The following ARHGEF18 variants were observed in gnomAD, a reference collection of about 807,000 sequenced individuals.
ARHGEF18 encodes rho guanine nucleotide exchange factor 18.
A neutral mutation model predicts 155.7 loss-of-function variants in ARHGEF18; 93 were observed. The ratio of observed to expected loss-of-function variants is 0.60; its 90% CI spans 0.50 to 0.71. ARHGEF18 has a LOEUF of 0.71. Among genes scored for constraint, ARHGEF18 ranks in the 30% least tolerant of loss-of-function variants. The pLI is 0.00. For missense variants in ARHGEF18, 1,593 were observed against 1,816.1 expected (o/e 0.88, Z 2.23); for synonymous variants, 742 against 753.1 (o/e 0.99, Z 0.24).
At chr19:7,422,895 T>C (rs973347946) in intron 10 of ARHGEF18, among the ~76,000 whole-genome samples, 10 of 151,968 alleles carry the variant, frequency 6.6e-5, no homozygotes, top group Non-Finnish European at 1.5e-4. Context: ...CTTTTTGTAT[T>C]TGTAGCAGAG....
At chr19:7,360,965 C>T (rs956720397) in intron 1 of ARHGEF18, among the ~76,000 whole-genome samples, 1 of 152,178 alleles carries the variant, frequency 6.6e-6, no homozygotes, top group African/African-American at 2.4e-5. Flanking sequence ...TCCAGCCACT[C>T]ATCTGTGAAT....
chr19:7,387,264 T>C (rs1971137410), intron 10 of ARHGEF18, among the ~76,000 whole-genome samples: 1 of 152,058 alleles, frequency 6.6e-6, no homozygotes, highest in Admixed American at 6.6e-5. Flanking sequence ...GCCATTCTCC[T>C]GCCTCAGCCT....
chr19:7,431,510 C>CAAAAAAAAAAAAAAAAAAAAAAAA (rs34609858), intron 10 of ARHGEF18, among the ~76,000 whole-genome samples: 3 of 51,294 alleles, frequency 5.8e-5, no homozygotes, highest in Non-Finnish European at 6.9e-5. Flanking sequence ...GACTCCATCT[C>CAAAAAAAAAAAAAAAAAAAAAAAA]AAAAAAAAAA....
intron 10 of ARHGEF18, among the ~76,000 whole-genome samples, chr19:7,408,398 G>A (rs1449928575): frequency 2.0e-5 from 3 of 152,208 alleles, no homozygotes; most frequent in South Asian, 2.1e-4. Flanking sequence ...GCGTGGCCGT[G>A]TTCTGATAAA....
intron 10 of ARHGEF18, among the ~76,000 whole-genome samples, chr19:7,426,501 A>AG (rs957767212): frequency 1.3e-5 from 2 of 151,600 alleles, no homozygotes; most frequent in African/African-American, 4.8e-5. Context: ...AAAAAAAAAA[A>AG]AGAAAAAAAG....
chr19:7,354,160 TA>T (rs74426024), intron 1 of ARHGEF18, among the ~76,000 whole-genome samples: 4 of 150,398 alleles, frequency 2.7e-5, no homozygotes, highest in Non-Finnish European at 5.9e-5. Flanking sequence ...AAGAAAAAAG[TA>T]AAAAAAATAG....
chr19:7,369,060 C>T (rs576472765), intron 2 of ARHGEF18, among the ~76,000 whole-genome samples: 51 of 152,178 alleles, frequency 3.4e-4, no homozygotes, highest in African/African-American at 9.9e-4. Flanking sequence ...CCAGGCGCGG[C>T]GGCTCATGCC....
intron 10 of ARHGEF18, among the ~76,000 whole-genome samples, chr19:7,394,487 A>G (rs1971565638): frequency 6.6e-6 from 1 of 150,838 alleles, no homozygotes; most frequent in Non-Finnish European, 1.5e-5. Flanking sequence ...CCCACTGACA[A>G]CCCCTCCAGG....
rs1241884115 is a variant in ARHGEF18 at position 7,443,085 on chromosome 19, T to C, written c.1360+1033T>C. On this transcript the variant is annotated intron_variant, in intron 13 of 28. Coordinates refer to ENST00000668164, the MANE Select transcript of ARHGEF18 (RefSeq NM_001367823.1). ...TTTTTTTTTTTTTTTTTTTTTGAGA[T>C]GGAGTCTCGCTCTGTCGCCCAGGCT... Among the ~76,000 whole-genome samples, 23 of 117,364 alleles carry C rather than the reference T, an allele frequency of 2.0e-4. No individual in the cohort carries two copies. The Admixed American group carries it at 2.1e-3, about 11-fold the overall frequency. 77.0% of individuals were successfully genotyped at this position (117,364 alleles called of 152,430 possible). A position where few individuals can be genotyped will look rare whatever the true frequency, so the allele number is the denominator to read the frequency against.
At position 7,416,530 on chromosome 19, in the gene ARHGEF18, CGTGTGTGTGTGTGTGTGT is replaced by C. The variant is rs71179108; in HGVS notation, c.968-23783_968-23766del. ...TGTGATGTGCCTCACGGAGAAAATT[CGTGTGTGTGTGTGTGTGT>C]GTGTGTGTGTGTGTGTGTGTGTGTG... On this transcript the variant is annotated intron_variant, in intron 10 of 28. Coordinates refer to ENST00000668164, the MANE Select transcript of ARHGEF18 (RefSeq NM_001367823.1). Among the ~76,000 whole-genome samples, 496 of 105,952 alleles carry C rather than the reference CGTGTGTGTGTGTGTGTGT, an allele frequency of 4.7e-3. 1 individual carries two copies. Among genetic ancestry groups the C allele is most frequent in the African/African-American group, 0.014 (416 of 29,928 alleles). The allele number at this position is 105,952 out of a possible 152,430, so 69.5% of individuals were successfully genotyped here.
chr19:7,410,152 C>T (rs964355023), intron 10 of ARHGEF18, among the ~76,000 whole-genome samples: 4 of 152,018 alleles, frequency 2.6e-5, no homozygotes, highest in Non-Finnish European at 5.9e-5. Context: ...TCCAGAAATG[C>T]AGTGCCCTTG....
chr19:7,439,591 T>G, intron 10 of ARHGEF18: 1 of 802,468 alleles, frequency 1.2e-6, no homozygotes, highest in Non-Finnish European at 1.5e-6. Flanking sequence ...CCTGTTGATG[T>G]TGGGTTGGTT....
intron 10 of ARHGEF18, among the ~76,000 whole-genome samples, chr19:7,409,625 C>T (rs1600335884): frequency 6.6e-6 from 1 of 150,762 alleles, no homozygotes. Context: ...TTAGTAAACA[C>T]GGGGTTTCAC....
At chr19:7,479,571 A>G in the ARHGEF18 span, among the ~76,000 whole-genome samples, 1 of 152,246 alleles carries the variant, frequency 6.6e-6, no homozygotes, top group Non-Finnish European at 1.5e-5. Context: ...CCTGGGCCTT[A>G]GGGCAGATGT....
At position 7,396,541 on chromosome 19, in the gene ARHGEF18, C is replaced by T. The variant is rs2434448; in HGVS notation, c.967+13338C>T. On this transcript the variant is annotated intron_variant, in intron 10 of 28. Coordinates refer to ENST00000668164, the MANE Select transcript of ARHGEF18 (RefSeq NM_001367823.1). ...GACCATCCTGGCCAACATGGTGAAACCCCATCTCTACTAAAATACAAAAAT... is the reference window on the plus strand; with the variant it reads ...GACCATCCTGGCCAACATGGTGAAATCCCATCTCTACTAAAATACAAAAAT... 1.7e-3 allele frequency among the ~76,000 whole-genome samples: 261 copies of T among 152,160 alleles called. 5 individuals are homozygous for T. The East Asian group carries it at 0.042, about 25-fold the overall frequency.
At position 7,470,659 on chromosome 19, in the gene ARHGEF18, G is replaced by C; in HGVS notation, c.*361G>C. 2.5e-6 allele frequency: 1 copy of C among 398,316 alleles called. No individual in the cohort carries two copies. Among genetic ancestry groups the C allele is most frequent in the Non-Finnish European group, 4.4e-6 (1 of 225,598 alleles). 24.7% of individuals were successfully genotyped at this position (398,316 alleles called of 1,614,324 possible). ...TTTTTCCGAGGCAGTGAGGAACGGT[G>C]CCGGCTCTGCACGGAGCTGAGGACA... is the stretch of plus-strand genomic sequence containing the variant. On this transcript the variant is annotated 3_prime_UTR_variant, in exon 29 of 29. Transcript: ENST00000668164. The surrounding 1 kb of genome is among the most constrained non-coding windows in gnomAD (Gnocchi z 5.9).
rs1190535936 is a variant in ARHGEF18 at position 7,471,502 on chromosome 19, G to A, written c.*1204G>A. 6.6e-6 allele frequency: 1 copy of A among 152,286 alleles called. No individual in the cohort carries two copies. The highest frequency in any genetic ancestry group is 2.4e-5 in the African/African-American group (1 of 41,464). The allele number at this position is 152,286 out of a possible 1,614,324, so 9.4% of individuals were successfully genotyped here. A position where few individuals can be genotyped will look rare whatever the true frequency, so the allele number is the denominator to read the frequency against. On this transcript the variant is annotated 3_prime_UTR_variant, in exon 29 of 29. Transcript: ENST00000668164. This position sits in a 1 kb window ranked among gnomAD's most constrained non-coding sequence, Gnocchi z 4.4. ...TTGGTGGTAGGACTGGGTCCTGGCT[G>A]ATCGTCCTTGTTCCCAGTGGGGTAC...
chr19:7,414,646 TA>T (rs780875009), intron 10 of ARHGEF18, among the ~76,000 whole-genome samples: 172 of 152,008 alleles, frequency 1.1e-3, no homozygotes, highest in East Asian at 1.5e-3. Context: ...CCGTCTCTAC[TA>T]AAAATACAAA....
the ARHGEF18 span, among the ~76,000 whole-genome samples, chr19:7,478,901 G>A: frequency 2.0e-5 from 3 of 152,190 alleles, no homozygotes; most frequent in Non-Finnish European, 1.5e-5. Context: ...GGCATCTGCA[G>A]GCTGAGGAAG....
Sources: allele counts gnomAD v4.1 joint callset (sites outside exome capture counted in the v4.1 genomes callset), GRCh38; gene constraint gnomAD v4.1.1; non-coding constraint Gnocchi (gnomAD v3.1); transcripts MANE v1.5; gene names NCBI Gene and HGNC (gene_info 2026-07-23, HGNC 2026-07-21).